The following CLEC16A variants were observed in gnomAD, a reference collection of about 807,000 sequenced individuals.
The protein encoded by CLEC16A is C-type lectin domain containing 16A, also known as protein CLEC16A.
In CLEC16A, 51 loss-of-function variants were observed where a neutral mutation model predicts 109.5. The observed-to-expected ratio is 0.47, with a 90% CI of 0.37 to 0.59. The LOEUF (loss-of-function observed/expected upper bound fraction) is 0.59, where lower values mean the gene tolerates loss of function less well. Ranked by LOEUF, CLEC16A falls within the 20% of genes least tolerant of loss-of-function variation. The pLI is 0.00. For synonymous variants in CLEC16A, 673 were observed against 564.2 expected, an observed-to-expected ratio of 1.19 and a Z score of -2.73; for missense variants, 1,339 against 1,394.0, an observed-to-expected ratio of 0.96 and a Z score of 0.63.
At chr16:11,177,261 G>A (rs1462876410) in intron 23 of CLEC16A, among the ~76,000 whole-genome samples, 1 of 152,166 alleles carries the variant, frequency 6.6e-6, no homozygotes, top group East Asian at 1.9e-4. Context: ...TTTCTGTTCA[G>A]GCAGGCTCAT....
intron 19 of CLEC16A, among the ~76,000 whole-genome samples, chr16:11,073,695 G>A (rs1297884408): frequency 6.6e-6 from 1 of 152,132 alleles, no homozygotes; most frequent in Non-Finnish European, 1.5e-5. Flanking sequence ...TGCCTGGATG[G>A]CCCTCCCAGC....
intron 19 of CLEC16A, among the ~76,000 whole-genome samples, chr16:11,095,090 T>A (rs1290402316): frequency 6.6e-6 from 1 of 151,950 alleles, no homozygotes; most frequent in East Asian, 1.9e-4. Context: ...AATCTTTTTT[T>A]TTCTTTTTTT....
intron 18 of CLEC16A, among the ~76,000 whole-genome samples, chr16:11,052,213 G>T (rs1233091600): frequency 6.6e-6 from 1 of 152,136 alleles, no homozygotes; most frequent in Non-Finnish European, 1.5e-5. Context: ...GTCCTCAGGG[G>T]TGTTCATGGT....
At chr16:11,149,117 A>G (rs961847658) in intron 22 of CLEC16A, among the ~76,000 whole-genome samples, 1 of 152,222 alleles carries the variant, frequency 6.6e-6, no homozygotes, top group African/African-American at 2.4e-5. Context: ...AGCAGAGGCC[A>G]GGGGAGGGGC....
chr16:11,009,724 C>T (rs1043284049), intron 11 of CLEC16A, among the ~76,000 whole-genome samples: 2 of 152,210 alleles, frequency 1.3e-5, no homozygotes, highest in Admixed American at 1.3e-4. Flanking sequence ...AGAAAAGAGC[C>T]CACAGTAGCC....
intron 1 of CLEC16A, among the ~76,000 whole-genome samples, chr16:10,948,138 C>T (rs973153850): frequency 6.6e-6 from 1 of 152,164 alleles, no homozygotes; most frequent in Non-Finnish European, 1.5e-5. Context: ...TGTGATCTGC[C>T]CTCCTTGACC....
chr16:11,015,909 G>C (rs116566084), intron 11 of CLEC16A, among the ~76,000 whole-genome samples: 91 of 152,340 alleles, frequency 6.0e-4, no homozygotes, highest in African/African-American at 2.0e-3. Flanking sequence ...CACGTCCTCT[G>C]CCTCATGGGG....
intron 22 of CLEC16A, among the ~76,000 whole-genome samples, chr16:11,135,344 G>A (rs932577412): frequency 6.6e-6 from 1 of 152,174 alleles, no homozygotes; most frequent in Non-Finnish European, 1.5e-5. Context: ...AGAAGGAACC[G>A]CGTTCCCGGA....
intron 14 of CLEC16A, 171 bp from the exon 15 acceptor site, chr16:11,042,083 G>A: frequency 3.5e-6 from 2 of 574,464 alleles, no homozygotes; most frequent in Admixed American, 6.0e-5. Flanking sequence ...TCTAACTGAT[G>A]GGGAATGGTT....
intron 19 of CLEC16A, among the ~76,000 whole-genome samples, chr16:11,096,113 G>A (rs536178783): frequency 2.0e-5 from 3 of 152,222 alleles, no homozygotes; most frequent in African/African-American, 7.2e-5. Context: ...GGCGAGGGTT[G>A]TGGGGGATCA....
intron 6 of CLEC16A, 136 bp from the exon 7 acceptor site, chr16:10,972,802 A>T: frequency 1.0e-6 from 1 of 954,036 alleles, no homozygotes; most frequent in South Asian, 1.8e-5. Flanking sequence ...TCCAGGAAAG[A>T]CAGACAATTT....
At position 11,071,700 on chromosome 16, in the gene CLEC16A, C is replaced by T. The variant is rs975453807; in HGVS notation, c.2116+10678C>T. ...CTCCTGGGCTGAAGTGATCATCCCA[C>T]CTTAGCCTCTTGACTAGCTGGGACT... On this transcript the variant is annotated intron_variant, in intron 19 of 23. Transcript: ENST00000409790. Among the ~76,000 whole-genome samples, 13 of 149,160 alleles carry T rather than the reference C, an allele frequency of 8.7e-5. 1 individual carries two copies. The highest frequency in any genetic ancestry group is 6.7e-4 in the Admixed American group (10 of 14,962).
chr16:10,986,056 A>T (rs1397290056), intron 10 of CLEC16A, among the ~76,000 whole-genome samples: 1 of 72,942 alleles, frequency 1.4e-5, no homozygotes. Flanking sequence ...TTTGAGACTG[A>T]GTCTCGCTCT....
chr16:10,964,848 C>T lies in CLEC16A; in HGVS notation c.343+2260C>T, dbSNP rs559323799. On this transcript the variant is annotated intron_variant, in intron 3 of 23. Transcript: ENST00000409790. ...CGGCAATCAAGTGAATTAACATATC[C>T]ATCACCTCACTTTTGTGCGTGTGTG... Among the ~76,000 whole-genome samples the T allele has an allele frequency of 1.6e-3, 245 of 152,258 alleles. 3 individuals are homozygous for T. Among genetic ancestry groups the T allele is most frequent in the African/African-American group, 5.6e-3 (232 of 41,542 alleles).
intron 3 of CLEC16A, among the ~76,000 whole-genome samples, chr16:10,968,413 G>T (rs1444647757): frequency 6.6e-6 from 1 of 152,202 alleles, no homozygotes; most frequent in Admixed American, 6.5e-5. Context: ...AGGGCCAGGC[G>T]CTGGGAGCTG....
intron 23 of CLEC16A, among the ~76,000 whole-genome samples, chr16:11,170,432 G>A (rs1369392097): frequency 4.6e-5 from 7 of 152,226 alleles, no homozygotes; most frequent in African/African-American, 7.2e-5. Context: ...TCCAGCCTGC[G>A]TCCAGCTCAG....
intron 19 of CLEC16A, among the ~76,000 whole-genome samples, chr16:11,113,351 C>G (rs2051730881): frequency 6.6e-6 from 1 of 152,186 alleles, no homozygotes; most frequent in South Asian, 2.1e-4. Context: ...AATAACATAC[C>G]TATTTTCCCT....
chr16:11,157,842 T>C lies in CLEC16A; in HGVS notation c.2642-8546T>C, dbSNP rs533817809. ...TCTTCCTAAGGTGGCTTTCCTAGGGTAGCCCCCCACTGAGTAGCTCCTAGC... is the reference window on the plus strand; with the variant it reads ...TCTTCCTAAGGTGGCTTTCCTAGGGCAGCCCCCCACTGAGTAGCTCCTAGC... On this transcript the variant is annotated intron_variant, in intron 22 of 23. Transcript: ENST00000409790. 2.0e-5 allele frequency among the ~76,000 whole-genome samples: 3 copies of C among 152,212 alleles called. No homozygotes were observed. In the South Asian group the frequency reaches 6.2e-4, roughly 32 times the overall value.
intron 19 of CLEC16A, among the ~76,000 whole-genome samples, chr16:11,084,984 G>A (rs1321258982): frequency 6.6e-6 from 1 of 152,230 alleles, no homozygotes; most frequent in African/African-American, 2.4e-5. Context: ...GTTTGGGGAG[G>A]CCTCTCCTTG....
Sources: allele counts gnomAD v4.1 joint callset (sites outside exome capture counted in the v4.1 genomes callset), GRCh38; gene constraint gnomAD v4.1.1; transcripts MANE v1.5; gene names NCBI Gene and HGNC (gene_info 2026-07-23, HGNC 2026-07-21).